Variants in ZDHHC3 observed in about 807,000 individuals in gnomAD.
The protein encoded by ZDHHC3 is palmitoyltransferase ZDHHC3.
ZDHHC3 carries 9 observed loss-of-function variants against 30.6 expected under a neutral mutation model. That is an observed-to-expected ratio of 0.29 (90% CI 0.18 to 0.51). The LOEUF is 0.51. Among genes scored for constraint, ZDHHC3 ranks in the 20% least tolerant of loss-of-function variants. The pLI is 0.97. For synonymous variants in ZDHHC3, 136 were observed against 140.2 expected, an observed-to-expected ratio of 0.97 and a Z score of 0.21; for missense variants, 246 against 384.2, an observed-to-expected ratio of 0.64 and a Z score of 3.01.
intron 1 of ZDHHC3, among the ~76,000 whole-genome samples, chr3:44,963,692 G>C (rs1046545283): frequency 6.6e-6 from 1 of 152,164 alleles, no homozygotes; most frequent in Non-Finnish European, 1.5e-5. Flanking sequence ...CTTCCAAGGA[G>C]CTGGGCAGAA....
chr3:44,972,813 C>G (rs1705512073), intron 1 of ZDHHC3, among the ~76,000 whole-genome samples: 1 of 152,174 alleles, frequency 6.6e-6, no homozygotes, highest in South Asian at 2.1e-4. Flanking sequence ...TTGAGTTTAT[C>G]TCTTTATGCC....
In ZDHHC3 at chr3:44,933,131, T is replaced by G; in HGVS notation, c.597A>C (p.Glu199Asp). ...GCACATACTCACTTGTCCAATCTTC[T>G]TCAAAGCAATGCAGGAAGTGGAATC... is the stretch of plus-strand genomic sequence containing the variant. ...MVGFHFLHCF[E>D]EDWTKCSSFS... Residue 199 changes from glutamate (E) to aspartate (D), a missense_variant, in exon 5 of 7, where the codon GAA (glutamate) becomes GAC (aspartate). Coordinates refer to ENST00000424952, the MANE Select transcript of ZDHHC3 (RefSeq NM_001135179.2). 6.2e-7 allele frequency: 1 copy of G among 1,614,124 alleles called. No homozygotes were observed. The highest frequency in any genetic ancestry group is 1.1e-5 in the South Asian group (1 of 91,078).
At chr3:44,950,209 A>G (rs1222736282) in intron 2 of ZDHHC3, among the ~76,000 whole-genome samples, 1 of 152,232 alleles carries the variant, frequency 6.6e-6, no homozygotes, top group Non-Finnish European at 1.5e-5. Flanking sequence ...AACCACAACT[A>G]GAAGTTACTA....
rs373546054 is a variant in ZDHHC3, at chr3:44,923,539, C to T, written c.*3150G>A. ...GTACAGGGCTGGGCCCAGTGGCTCA[C>T]GCCTGTAATCCCAGGACTTTGGGAG... On this transcript the variant is annotated 3_prime_UTR_variant, in exon 7 of 7. Coordinates refer to ENST00000424952, the MANE Select transcript of ZDHHC3 (RefSeq NM_001135179.2). 40 of 985,212 alleles carry T rather than the reference C, an allele frequency of 4.1e-5. 1 individual carries two copies. In the East Asian group the frequency reaches 1.2e-3, roughly 31 times the overall value. 61.0% of individuals were successfully genotyped at this position (985,212 alleles called of 1,614,324 possible). A position where few individuals can be genotyped will look rare whatever the true frequency, so the allele number is the denominator to read the frequency against.
Position 44,975,992 on chromosome 3 carries a change from CGCT to C in ZDHHC3, c.-87_-85del, listed in dbSNP as rs1705949956. The C allele has an allele frequency of 8.9e-6, 3 of 335,220 alleles. No individual in the cohort carries two copies. The highest frequency in any genetic ancestry group is 5.0e-5 in the Admixed American group (1 of 20,144). 20.8% of individuals were successfully genotyped at this position (335,220 alleles called of 1,614,324 possible). On this transcript the variant is annotated 5_prime_UTR_variant, in exon 1 of 7. Coordinates refer to ENST00000424952, the MANE Select transcript of ZDHHC3 (RefSeq NM_001135179.2). The stretch of plus-strand genomic sequence containing the variant: ...CCGGTGGGGCTCCCGCCGCCGCCGC[CGCT>C]GCCTTCCCCTGCAGTCCCCAACCCG...
chr3:44,967,768 C>T (rs115379228), intron 1 of ZDHHC3, among the ~76,000 whole-genome samples: 2,804 of 152,138 alleles, frequency 0.018, 47 homozygotes, highest in Middle Eastern at 0.085. Context: ...ATATTAAAGA[C>T]CATGTGGTAG....
chr3:44,935,216 A>C (rs1305151468), intron 3 of ZDHHC3, among the ~76,000 whole-genome samples: 1 of 152,226 alleles, frequency 6.6e-6, no homozygotes, highest in Non-Finnish European at 1.5e-5. Flanking sequence ...AGAGGCACTG[A>C]AATAAGACAG....
intron 1 of ZDHHC3, among the ~76,000 whole-genome samples, chr3:44,962,990 C>T (rs1253705835): frequency 6.6e-6 from 1 of 152,168 alleles, no homozygotes; most frequent in Non-Finnish European, 1.5e-5. Context: ...GACTTATTAG[C>T]CCAGTGGCTG....
chr3:44,943,864 T>C (rs983433135), intron 3 of ZDHHC3, among the ~76,000 whole-genome samples: 1 of 152,064 alleles, frequency 6.6e-6, no homozygotes, highest in Non-Finnish European at 1.5e-5. Flanking sequence ...GGTGCATGCC[T>C]GTAGTCCCAG....
intron 1 of ZDHHC3, among the ~76,000 whole-genome samples, chr3:44,964,193 C>T (rs1299840138): frequency 3.3e-5 from 5 of 152,004 alleles, no homozygotes; most frequent in African/African-American, 1.2e-4. Context: ...ATGAATAGCA[C>T]AAAAAAGGGA....
In ZDHHC3 at chr3:44,955,457, T is replaced by TA. The variant is rs1553691496; in HGVS notation, c.306+3673_306+3674insT. On this transcript the variant is annotated intron_variant, in intron 2 of 6. Transcript: ENST00000424952. ...CTGCTTGAGGGAGACCACAAGGTTTTTATATATATATATATATATGTATAT... is the reference window on the plus strand; with the variant it reads ...CTGCTTGAGGGAGACCACAAGGTTTTATATATATATATATATATATGTATAT... 3.8e-3 allele frequency among the ~76,000 whole-genome samples: 546 copies of TA among 143,948 alleles called. 2 individuals are homozygous for TA. Among genetic ancestry groups the TA allele is most frequent in the African/African-American group, 7.7e-3 (303 of 39,238 alleles). 94.4% of individuals were successfully genotyped at this position (143,948 alleles called of 152,430 possible). A position where few individuals can be genotyped will look rare whatever the true frequency, so the allele number is the denominator to read the frequency against.
At chr3:44,974,332 T>C (rs566866308) in intron 1 of ZDHHC3, among the ~76,000 whole-genome samples, 6 of 152,238 alleles carry the variant, frequency 3.9e-5, no homozygotes, top group Non-Finnish European at 7.3e-5. Context: ...GATAACTCCA[T>C]GGTATCTGAA....
rs965655350 is a variant in ZDHHC3, at chr3:44,921,835, C to G, written c.*4854G>C. The G allele has an allele frequency of 3.0e-6, 3 of 985,430 alleles. No individual in the cohort carries two copies. The highest frequency in any genetic ancestry group is 4.7e-5 in the South Asian group (1 of 21,292). The allele number at this position is 985,430 out of a possible 1,614,324, so 61.0% of individuals were successfully genotyped here. A position where few individuals can be genotyped will look rare whatever the true frequency, so the allele number is the denominator to read the frequency against. ...AAGCCAGGACCCAAATACTTGGTCACCAGACTATATGGCCTCAGCTGCAGA... is the reference window on the plus strand; with the variant it reads ...AAGCCAGGACCCAAATACTTGGTCAGCAGACTATATGGCCTCAGCTGCAGA... On this transcript the variant is annotated 3_prime_UTR_variant, in exon 7 of 7. Coordinates refer to ENST00000424952, the MANE Select transcript of ZDHHC3 (RefSeq NM_001135179.2).
chr3:44,915,368 C>T lies in ZDHHC3; in HGVS notation c.*11321G>A, dbSNP rs6622. The stretch of plus-strand genomic sequence containing the variant: ...TGACATCAGTTGCAATGCTTTCAGT[C>T]TGAGGCTAAGCAGAATGTTATGCTG... On this transcript the variant is annotated 3_prime_UTR_variant, in exon 7 of 7. Coordinates refer to ENST00000424952, the MANE Select transcript of ZDHHC3 (RefSeq NM_001135179.2). 0.58 allele frequency: 88,801 copies of T among 152,016 alleles called. 27,152 individuals carry two copies. Among genetic ancestry groups the T allele is most frequent in the East Asian group, 0.9 (4,655 of 5,166 alleles). The allele number at this position is 152,016 out of a possible 1,614,324, so 9.4% of individuals were successfully genotyped here. A position where few individuals can be genotyped will look rare whatever the true frequency, so the allele number is the denominator to read the frequency against.
chr3:44,973,465 T>C (rs1386000583), intron 1 of ZDHHC3, among the ~76,000 whole-genome samples: 2 of 152,146 alleles, frequency 1.3e-5, no homozygotes, highest in Non-Finnish European at 1.5e-5. Flanking sequence ...TTTTTATTTT[T>C]ATTTTTTTTT....
At chr3:44,935,498 G>A (rs1559670743) in intron 3 of ZDHHC3, among the ~76,000 whole-genome samples, 1 of 152,326 alleles carries the variant, frequency 6.6e-6, no homozygotes, top group Middle Eastern at 3.4e-3. Context: ...CTGAGCTCGA[G>A]CAATCCACCT....
chr3:44,953,551 T>C (rs1464853795), intron 2 of ZDHHC3, among the ~76,000 whole-genome samples: 1 of 152,220 alleles, frequency 6.6e-6, no homozygotes, highest in Non-Finnish European at 1.5e-5. Context: ...CCTGCTTAAA[T>C]TGTTTCAGGG....
In ZDHHC3 at chr3:44,928,056, G is replaced by A. The variant is rs79535780; in HGVS notation, c.742-1209C>T. On this transcript the variant is annotated intron_variant, in intron 6 of 6. Coordinates refer to ENST00000424952, the MANE Select transcript of ZDHHC3 (RefSeq NM_001135179.2). ...TTCTGGCTCCCCCAGACCGTGGCCC[G>A]GCAGTATCCCAATGGCAGACTGGTC... Among the ~76,000 whole-genome samples the A allele has an allele frequency of 8.3e-3, 1,263 of 152,312 alleles. 5 individuals are homozygous for A. Among genetic ancestry groups the A allele is most frequent in the East Asian group, 0.017 (89 of 5,168 alleles).
intron 2 of ZDHHC3, among the ~76,000 whole-genome samples, chr3:44,951,010 T>C (rs529364541): frequency 3.4e-4 from 52 of 152,320 alleles, no homozygotes; most frequent in Middle Eastern, 3.4e-3. Context: ...TAATACTTGT[T>C]CATGGTTTTA....
Sources: allele counts gnomAD v4.1 joint callset (sites outside exome capture counted in the v4.1 genomes callset), GRCh38; gene constraint gnomAD v4.1.1; transcripts MANE v1.5; gene names NCBI Gene and HGNC (gene_info 2026-07-23, HGNC 2026-07-21).